PGM5: variants seen among roughly 807,000 people sequenced by gnomAD.
PGM5 encodes phosphoglucomutase-like protein 5.
Under a neutral mutation model 59.2 loss-of-function variants are expected in PGM5, and 23 were observed. That is an observed-to-expected ratio of 0.39 (90% CI 0.28 to 0.55). PGM5 has a LOEUF of 0.55. Ranked by LOEUF, PGM5 falls within the 20% of genes least tolerant of loss-of-function variation. PGM5 has a pLI of 0.66. For missense variants in PGM5, 574 were observed against 748.3 expected (o/e 0.77, Z 2.72); for synonymous variants, 214 against 286.0 (o/e 0.75, Z 2.54).
At chr9:68,432,095 C>A (rs1823360341) in intron 6 of PGM5, among the ~76,000 whole-genome samples, 1 of 152,138 alleles carries the variant, frequency 6.6e-6, no homozygotes, top group Non-Finnish European at 1.5e-5. Context: ...ATCCCTCTTC[C>A]TATACAGAAT....
At chr9:68,440,374 T>A (rs1179727471) in intron 6 of PGM5, among the ~76,000 whole-genome samples, 1 of 152,168 alleles carries the variant, frequency 6.6e-6, no homozygotes, top group Admixed American at 6.5e-5. Context: ...ACGGAAACCA[T>A]GCAAAGTATG....
chr9:68,505,271 G>A (rs1456432815), intron 10 of PGM5, among the ~76,000 whole-genome samples: 1 of 152,134 alleles, frequency 6.6e-6, no homozygotes, highest in Non-Finnish European at 1.5e-5. Context: ...GGCTACCTCT[G>A]GAGCCTCAGT....
At chr9:68,521,622 G>A (rs1218047618) in intron 10 of PGM5, among the ~76,000 whole-genome samples, 1 of 152,162 alleles carries the variant, frequency 6.6e-6, no homozygotes, top group Non-Finnish European at 1.5e-5. Flanking sequence ...CCAATGAAGA[G>A]AAATGTGAAG....
At chr9:68,440,041 A>G (rs563900425) in intron 6 of PGM5, among the ~76,000 whole-genome samples, 3 of 152,332 alleles carry the variant, frequency 2.0e-5, no homozygotes, top group East Asian at 1.9e-4. Context: ...CTAAATGTAT[A>G]TGCTCCTATT....
chr9:68,513,495 C>A (rs1311468992), intron 10 of PGM5, among the ~76,000 whole-genome samples: 1 of 152,094 alleles, frequency 6.6e-6, no homozygotes, highest in Admixed American at 6.5e-5. Context: ...AATATGAGCC[C>A]TGGTGAATTC....
At position 68,483,937 on chromosome 9, in the gene PGM5, C is replaced by A. The variant is rs782680556; in HGVS notation, c.1368C>A (p.Asp456Glu). Residue 456 changes from aspartate (D) to glutamate (E), a missense_variant, in exon 9 of 11, where the codon GAC becomes GAA. Physicochemically the swap from Asp to Glu is conservative, Grantham distance 45. Coordinates refer to ENST00000396396, the MANE Select transcript of PGM5 (RefSeq NM_021965.4). ...GGGACCTGGAGGCCCTGGTCACAGA[C>A]AAATCCTTCATTGGCCAGCAGTTTG... ...IMRDLEALVT[D>E]KSFIGQQFAV... 6.2e-7 allele frequency: 1 copy of A among 1,614,152 alleles called. No individual in the cohort carries two copies. Among genetic ancestry groups the A allele is most frequent in the South Asian group, 1.1e-5 (1 of 91,086 alleles).
chr9:68,385,185 A>T (rs1297497600), intron 3 of PGM5, among the ~76,000 whole-genome samples: 1 of 151,384 alleles, frequency 6.6e-6, no homozygotes, highest in Admixed American at 6.6e-5. Flanking sequence ...TGTTTTATAG[A>T]TTAATTTTAG....
At chr9:68,498,959 C>G (rs1223994994) in intron 9 of PGM5, 5 of 396,242 alleles carry the variant, frequency 1.3e-5, no homozygotes, top group African/African-American at 2.1e-5. Context: ...ATCACCAGCC[C>G]AAGAGAACTT....
At chr9:68,362,865 C>CTTTTT (rs1163826772) in intron 1 of PGM5, among the ~76,000 whole-genome samples, 506 of 96,318 alleles carry the variant, frequency 5.3e-3, no homozygotes, top group African/African-American at 6.2e-3. Flanking sequence ...TTTTCTTTTT[C>CTTTTT]TTTTTTTTTT....
Position 68,357,224 on chromosome 9 carries a change from C to G in PGM5, c.97C>G (p.Leu33Val). The change falls in exon 1 of 11, where the codon CTC becomes GTC. Residue 33 changes from leucine to valine, a missense_variant. Physicochemically the swap from Leu to Val is conservative, Grantham distance 32. This residue lies in a region of PGM5 where 60 missense variants were observed against 71.0 expected (regional missense o/e 0.85). Coordinates refer to ENST00000396396, the MANE Select transcript of PGM5 (RefSeq NM_021965.4). ...CGGGGGTCTGCGGCGACCCACCGGC[C>G]TCTTCGAGGGCCAGCGCAACTACCT... ...GGGGLRRPTG[L>V]FEGQRNYLPN... 1 of 1,541,560 alleles carries G rather than the reference C, an allele frequency of 6.5e-7. No homozygotes were observed. Among genetic ancestry groups the G allele is most frequent in the Non-Finnish European group, 8.7e-7 (1 of 1,145,968 alleles).
chr9:68,358,779 T>C (rs112491727), intron 1 of PGM5, among the ~76,000 whole-genome samples: 4,080 of 152,108 alleles, frequency 0.027, 72 homozygotes, highest in Non-Finnish European at 0.041. Context: ...TAAAACGCAA[T>C]TGGGAGAAAC....
chr9:68,357,889 A>G (rs1485044350), intron 1 of PGM5: 1 of 199,548 alleles, frequency 5.0e-6, no homozygotes, highest in African/African-American at 2.4e-5. Context: ...AGCTCTGCCT[A>G]TTTAACAGTA....
intron 10 of PGM5, among the ~76,000 whole-genome samples, chr9:68,523,269 A>C (rs1405631329): frequency 6.6e-6 from 1 of 152,168 alleles, no homozygotes; most frequent in Non-Finnish European, 1.5e-5. Context: ...CAATAATTAG[A>C]GTACCTTAGA....
At chr9:68,442,660 T>C (rs1823547917) in intron 6 of PGM5, among the ~76,000 whole-genome samples, 1 of 152,230 alleles carries the variant, frequency 6.6e-6, no homozygotes, top group Non-Finnish European at 1.5e-5. Context: ...ACAATGGTGC[T>C]AAAGCAATTC....
At chr9:68,484,076 G>T (rs781811890) in intron 9 of PGM5, 28 bp downstream of exon 9, 5 of 1,603,982 alleles carry the variant, frequency 3.1e-6, no homozygotes, top group Non-Finnish European at 4.3e-6. Flanking sequence ...ACTACAACGG[G>T]TTATCAGGCA....
chr9:68,357,159 T>C lies in PGM5; in HGVS notation c.32T>C (p.Val11Ala). 2 of 1,534,874 alleles carry C rather than the reference T, an allele frequency of 1.3e-6. No homozygotes were observed. Among genetic ancestry groups the C allele is most frequent in the Non-Finnish European group, 1.7e-6 (2 of 1,144,944 alleles). The change falls in exon 1 of 11, where the codon GTG (valine) becomes GCG (alanine). Residue 11 changes from valine to alanine, a missense_variant. This residue lies in a region of PGM5 where 60 missense variants were observed against 71.0 expected (regional missense o/e 0.85). Transcript: ENST00000396396. ...GGGAGCCCCATCCCGGTGCTGACAG[T>C]GCCCACCGCGCCCTACGAGGACCAG... MEGSPIPVLT[V>A]PTAPYEDQRP...
At chr9:68,373,751 TCTCA>T (rs1339404926) in intron 1 of PGM5, among the ~76,000 whole-genome samples, 1 of 152,218 alleles carries the variant, frequency 6.6e-6, no homozygotes, top group Non-Finnish European at 1.5e-5. Context: ...GAATGTTATT[TCTCA>T]CTCACACCAT....
intron 6 of PGM5, chr9:68,393,743 G>A (rs1160929860): frequency 6.6e-6 from 1 of 152,082 alleles, no homozygotes; most frequent in African/African-American, 2.4e-5. Context: ...GCCTACAGCT[G>A]ACCAACATTC....
In PGM5 at chr9:68,487,311, T is replaced by C. The variant is rs115136292; in HGVS notation, c.1479+3263T>C. ...TGGGGAAAGTTTGAAGAGAAAGTCATGTGAAGCCTCAGGTACAGCGGCAAG... is the reference window on the plus strand; with the variant it reads ...TGGGGAAAGTTTGAAGAGAAAGTCACGTGAAGCCTCAGGTACAGCGGCAAG... On this transcript the variant is annotated intron_variant, in intron 9 of 10. Coordinates refer to ENST00000396396, the MANE Select transcript of PGM5 (RefSeq NM_021965.4). Among the ~76,000 whole-genome samples the C allele has an allele frequency of 8.1e-3, 1,227 of 152,264 alleles. 10 individuals carry two copies. Among genetic ancestry groups the C allele is most frequent in the African/African-American group, 0.028 (1,181 of 41,546 alleles).
Sources: gnomAD v4.1 joint callset for allele counts (sites outside exome capture counted in the v4.1 genomes callset) on GRCh38, gnomAD v4.1.1 for gene constraint, gnomAD v4.1.1 regional missense constraint, MANE v1.5 for transcripts, NCBI Gene and HGNC (gene_info 2026-07-23, HGNC 2026-07-21) for gene names.